The following MDN1 variants were observed in gnomAD, a reference collection of about 807,000 sequenced individuals.
MDN1 encodes midasin.
MDN1 carries 266 observed loss-of-function variants against 669.2 expected under a neutral mutation model. That is an observed-to-expected ratio of 0.40 (90% confidence interval 0.36 to 0.44). The LOEUF (loss-of-function observed/expected upper bound fraction) is 0.44, where lower values mean the gene tolerates loss of function less well. Ranked by LOEUF, MDN1 falls within the 20% of genes least tolerant of loss-of-function variation. The pLI, the probability that MDN1 is intolerant of heterozygous loss-of-function variation, is 1.00. For missense variants in MDN1, 5,940 were observed against 6,754.0 expected (o/e 0.88, Z 4.22); for synonymous variants, 2,385 against 2,457.1 (o/e 0.97, Z 0.87).
intron 38 of MDN1, 46 bp downstream of exon 38, chr6:89,725,153 C>A: frequency 1.3e-6 from 2 of 1,552,824 alleles, no homozygotes; most frequent in Non-Finnish European, 1.8e-6. Flanking sequence ...GTAGTCTTAT[C>A]CCCTCCGAGT....
intron 20 of MDN1, among the ~76,000 whole-genome samples, chr6:89,755,878 T>A (rs977788802): frequency 6.6e-6 from 1 of 152,178 alleles, no homozygotes; most frequent in Non-Finnish European, 1.5e-5. Context: ...CCTGACACAA[T>A]CAATTATATT....
intron 11 of MDN1, among the ~76,000 whole-genome samples, chr6:89,778,931 TA>T (rs748156380): frequency 1.4e-5 from 2 of 138,016 alleles, no homozygotes; most frequent in African/African-American, 2.9e-5. Context: ...AATAAATAAA[TA>T]AAAAAAAAGG....
At chr6:89,782,212 T>G (rs1020186766) in intron 9 of MDN1, among the ~76,000 whole-genome samples, 10 of 152,220 alleles carry the variant, frequency 6.6e-5, no homozygotes, top group African/African-American at 1.4e-4. Context: ...CAACCAACTC[T>G]AAAGAATTTA....
At position 89,644,028 on chromosome 6, in the gene MDN1, C is replaced by T. The variant is rs1402102678; in HGVS notation, c.16768G>A (p.Val5590Met). ...SDALRQWFEL[V>M]TASDHP ...TTCTATGGGTGGTCAGAGGCTGTCACCAACTCAAACCACTGTCTGAGGGCA... is the reference window on the plus strand; with the variant it reads ...TTCTATGGGTGGTCAGAGGCTGTCATCAACTCAAACCACTGTCTGAGGGCA... The change falls in exon 102 of 102, where the codon GTG becomes ATG. Residue 5590 changes from valine to methionine, a missense_variant. Coordinates refer to ENST00000369393, the MANE Select transcript of MDN1 (RefSeq NM_014611.3). 6.2e-7 allele frequency: 1 copy of T among 1,612,428 alleles called. No individual in the cohort carries two copies. The highest frequency in any genetic ancestry group is 8.5e-7 in the Non-Finnish European group (1 of 1,179,168).
At chr6:89,757,827 C>A (rs544572878) in intron 19 of MDN1, among the ~76,000 whole-genome samples, 17 of 152,142 alleles carry the variant, frequency 1.1e-4, no homozygotes, top group Admixed American at 1.1e-3. Context: ...AGGCAGATCA[C>A]AAGGTCAGGA....
At chr6:89,669,330 C>T (rs1810474770) in intron 83 of MDN1, among the ~76,000 whole-genome samples, 1 of 152,214 alleles carries the variant, frequency 6.6e-6, no homozygotes, top group Non-Finnish European at 1.5e-5. Flanking sequence ...TTAAGGCTGG[C>T]CTGGTGCCCA....
Position 89,686,903 on chromosome 6 carries a change from T to G in MDN1, c.11571A>C (p.Glu3857Asp). The G allele has an allele frequency of 6.2e-7, 1 of 1,613,798 alleles. No homozygotes were observed. The highest frequency in any genetic ancestry group is 1.1e-5 in the South Asian group (1 of 91,060). ...KHMQEQTEEQ[E>D]DDKQMTLMLL... is the part of the protein sequence containing the mutation. ...AGGAAATGTACTGCTAGGCATTACCTTCCTGTTCTTCTGTTTGTTCCTGCA... is the reference window on the plus strand; with the variant it reads ...AGGAAATGTACTGCTAGGCATTACCGTCCTGTTCTTCTGTTTGTTCCTGCA... Residue 3857 changes from glutamate (E) to aspartate (D), a missense_variant and splice_region_variant, in exon 69 of 102, where the codon GAA (glutamate) becomes GAC (aspartate). Physicochemically the swap from Glu to Asp is conservative, Grantham distance 45. This residue lies in a region of MDN1 where 2,280 missense variants were observed against 2,576.3 expected (regional missense o/e 0.88). Coordinates refer to ENST00000369393, the MANE Select transcript of MDN1 (RefSeq NM_014611.3).
chr6:89,727,896 A>C lies in MDN1; in HGVS notation c.5409T>G (p.Phe1803Leu). ...LPVEGGKGGE[F>L]AWRDGPLLAA... is the part of the protein sequence containing the mutation. The stretch of plus-strand genomic sequence containing the variant: ...CCAGTAAGGGGCCATCACGCCAGGC[A>C]AACTCTCCTCCCTTGCCACCTTCAA... Residue 1803 changes from phenylalanine (F) to leucine (L), a missense_variant, in exon 37 of 102, where the codon TTT (phenylalanine) becomes TTG (leucine). This residue lies in a region of MDN1 where 2,292 missense variants were observed against 2,638.3 expected (regional missense o/e 0.87). Coordinates refer to ENST00000369393, the MANE Select transcript of MDN1 (RefSeq NM_014611.3). 1 of 1,614,066 alleles carries C rather than the reference A, an allele frequency of 6.2e-7. No individual in the cohort carries two copies. Among genetic ancestry groups the C allele is most frequent in the South Asian group, 1.1e-5 (1 of 91,074 alleles).
intron 14 of MDN1, 36 bp downstream of exon 14, chr6:89,772,537 A>T (rs1220807069): frequency 6.3e-7 from 1 of 1,595,344 alleles, no homozygotes; most frequent in South Asian, 1.1e-5. Flanking sequence ...TCAGTGTGAA[A>T]TATCTGGGGG....
chr6:89,722,849 A>G, intron 40 of MDN1, 106 bp downstream of exon 40: 1 of 776,892 alleles, frequency 1.3e-6, no homozygotes, highest in South Asian at 3.2e-5. Context: ...CCAGTCTCAA[A>G]AAAAAAAAAA....
rs1768289453 is a variant in MDN1, at chr6:89,810,000, A to AT, written c.103-6447_103-6446insA. Among the ~76,000 whole-genome samples the AT allele has an allele frequency of 3.0e-5, 3 of 98,704 alleles. 1 individual carries two copies. Among genetic ancestry groups the AT allele is most frequent in the South Asian group, 5.7e-4 (2 of 3,524 alleles). The allele number at this position is 98,704 out of a possible 152,430, so 64.8% of individuals were successfully genotyped here. The stretch of plus-strand genomic sequence containing the variant: ...AGTGAGACTCCGTTTCACTAAAAAA[A>AT]AAAAAAAAAAAAAAAAAAAAAAAAA... On this transcript the variant is annotated intron_variant, in intron 1 of 101. Coordinates refer to ENST00000369393, the MANE Select transcript of MDN1 (RefSeq NM_014611.3).
intron 81 of MDN1, 32 bp downstream of exon 81, chr6:89,672,515 T>G: frequency 6.2e-7 from 1 of 1,601,480 alleles, no homozygotes; most frequent in Non-Finnish European, 8.5e-7. Context: ...AAATCAGGCA[T>G]GAAACTAATT....
intron 71 of MDN1, 57 bp from the exon 72 acceptor site, chr6:89,683,961 C>G: frequency 7.6e-7 from 1 of 1,324,154 alleles, no homozygotes. Context: ...CATTCTGTTT[C>G]TTTCTAGATT....
chr6:89,674,567 C>A lies in MDN1; in HGVS notation c.12784G>T (p.Glu4262Ter). 1 of 1,582,700 alleles carries A rather than the reference C, an allele frequency of 6.3e-7. No individual in the cohort carries two copies. The highest frequency in any genetic ancestry group is 8.5e-7 in the Non-Finnish European group (1 of 1,169,892). ...GGCCCCATCAGCCTGCTGTGAATCT[C>A]TTGCACACAGCTGAGGAGGTTCCTG... ...ILRNLLSCVQ[E>*]IHSRLMGPQA... The change falls in exon 79 of 102, where the codon GAG becomes TAG. Residue 4262 changes from glutamate (E) to a stop codon, truncating the protein, a stop_gained. Transcript: ENST00000369393. LOFTEE classifies it high-confidence loss of function.
chr6:89,688,874 G>T, intron 65 of MDN1, 66 bp from the exon 66 acceptor site: 1 of 1,366,894 alleles, frequency 7.3e-7, no homozygotes, highest in Non-Finnish European at 1.0e-6. Context: ...ATGTCAAAAA[G>T]ATGTCAGCAA....
At chr6:89,710,616 TC>T in intron 50 of MDN1, 64 bp downstream of exon 50, 2 of 914,056 alleles carry the variant, frequency 2.2e-6, no homozygotes, top group Non-Finnish European at 3.2e-6. Context: ...TCAGATCTTT[TC>T]CCCATAAAGT....
intron 83 of MDN1, among the ~76,000 whole-genome samples, chr6:89,670,161 TATATATA>T (rs1175261477): frequency 2.8e-3 from 70 of 25,144 alleles, no homozygotes; most frequent in East Asian, 7.2e-3. Context: ...TATATATATA[TATATATA>T]TATTTTTTTT....
chr6:89,712,455 GACA>G, intron 48 of MDN1, 117 bp downstream of exon 48: 1 of 1,078,482 alleles, frequency 9.3e-7, no homozygotes, highest in Non-Finnish European at 1.4e-6. Context: ...ATAAAACTAT[GACA>G]GCTACACAAT....
chr6:89,715,918 T>C (rs557278930), intron 44 of MDN1, 149 bp from the exon 45 acceptor site: 12 of 663,944 alleles, frequency 1.8e-5, no homozygotes, highest in Non-Finnish European at 2.7e-5. Context: ...CTTTCAAAAG[T>C]AGATTCCCCA....
Sources: allele counts gnomAD v4.1 joint callset (sites outside exome capture counted in the v4.1 genomes callset), GRCh38; gene constraint gnomAD v4.1.1; regional missense constraint gnomAD v4.1.1; transcripts MANE v1.5; gene names NCBI Gene and HGNC (gene_info 2026-07-23, HGNC 2026-07-21).